The following DOCK8 variants were observed in gnomAD, a reference collection of about 807,000 sequenced individuals.
DOCK8 encodes the protein dedicator of cytokinesis 8, also known as dedicator of cytokinesis protein 8.
Under a neutral mutation model 245.6 loss-of-function variants are expected in DOCK8, and 141 were observed. The observed-to-expected ratio is 0.57, with a 90% CI of 0.50 to 0.66. The LOEUF is 0.66. DOCK8 is among the 30% of genes least tolerant of loss of function. DOCK8 has a pLI of 0.00. For synonymous variants in DOCK8, 1,168 were observed against 970.2 expected (o/e 1.20, Z -3.79); for missense variants, 2,965 against 2,603.4 (o/e 1.14, Z -3.02).
At chr9:299,135 G>A (rs1191205238) in intron 4 of DOCK8, among the ~76,000 whole-genome samples, 2 of 151,982 alleles carry the variant, frequency 1.3e-5, no homozygotes, top group African/African-American at 4.8e-5. Context: ...GTTGGTTTTT[G>A]TCCCCTGACC....
chr9:325,498 ACCT>A (rs2050723266), intron 7 of DOCK8, among the ~76,000 whole-genome samples, 170 bp from the exon 8 acceptor site: 1 of 152,046 alleles, frequency 6.6e-6, no homozygotes, highest in South Asian at 2.1e-4. Context: ...TTTTTCACAA[ACCT>A]CCTATATTTC....
intron 28 of DOCK8, among the ~76,000 whole-genome samples, chr9:408,652 A>G (rs747793101): frequency 3.1e-4 from 47 of 152,194 alleles, no homozygotes; most frequent in African/African-American, 9.2e-4. Flanking sequence ...TTGTCCTTTA[A>G]TAGCAGTACT....
chr9:331,718 A>G (rs1041440518), intron 9 of DOCK8, among the ~76,000 whole-genome samples: 1 of 152,224 alleles, frequency 6.6e-6, no homozygotes, highest in Non-Finnish European at 1.5e-5. Context: ...TACCTGAAGC[A>G]AGACAGAAGA....
Position 451,973 on chromosome 9 carries a change from ATATATTTTTT to A in DOCK8, c.5962-36_5962-27del, listed in dbSNP as rs1188943565. On this transcript the variant is annotated intron_variant, in intron 45 of 47. Transcript: ENST00000432829. ...TGTGTGTGTATATATATATATATATATATATTTTTTTTTTTTTTTTTTTTTTTTTCCCACC... is the reference window on the plus strand; with the variant it reads ...TGTGTGTGTATATATATATATATATATTTTTTTTTTTTTTTTTTTCCCACC... 2.1e-3 allele frequency: 776 copies of A among 369,484 alleles called. No homozygotes were observed. The highest frequency in any genetic ancestry group is 0.016 in the African/African-American group (448 of 27,448). 22.9% of individuals were successfully genotyped at this position (369,484 alleles called of 1,614,324 possible).
At chr9:255,372 A>C (rs1027413448) in intron 1 of DOCK8, among the ~76,000 whole-genome samples, 1 of 152,146 alleles carries the variant, frequency 6.6e-6, no homozygotes, top group African/African-American at 2.4e-5. Flanking sequence ...CTCTTTTAAA[A>C]AGTCCAAATA....
rs961385725 is a variant in DOCK8 at position 452,046 on chromosome 9, A to C, written c.5997A>C (p.Glu1999Asp). Residue 1999 changes from glutamate to aspartate, a missense_variant, in exon 46 of 48, where the codon GAA becomes GAC. Physicochemically the swap from Glu to Asp is conservative, Grantham distance 45. This residue lies in a region of DOCK8 where 134 missense variants were observed against 128.1 expected (regional missense o/e 1.05). Transcript: ENST00000432829. ...AAGTAGCCCAAGTGTTTTTGGCTGAAATTCCTGCTGATCCAAAACTCTATC... is the reference window on the plus strand; with the variant it reads ...AAGTAGCCCAAGTGTTTTTGGCTGACATTCCTGCTGATCCAAAACTCTATC... ...PLEVAQVFLA[E>D]IPADPKLYRH... The C allele has an allele frequency of 1.7e-5, 28 of 1,602,094 alleles. No homozygotes were observed. The highest frequency in any genetic ancestry group is 4.2e-5 in the African/African-American group (3 of 71,838).
At chr9:371,172 TG>T (rs199895143) in intron 16 of DOCK8, among the ~76,000 whole-genome samples, 68 of 150,230 alleles carry the variant, frequency 4.5e-4, no homozygotes, top group African/African-American at 8.3e-4. Context: ...GTGGGGGAGT[TG>T]TTTTTTGTTT....
intron 13 of DOCK8, 22 bp downstream of exon 13, chr9:339,121 C>A (rs1392580441): frequency 6.2e-7 from 1 of 1,603,552 alleles, no homozygotes; most frequent in Non-Finnish European, 8.5e-7. Context: ...TTATCTTTAT[C>A]CTCTTTAGCT....
At chr9:335,496 C>T (rs906000115) in intron 11 of DOCK8, among the ~76,000 whole-genome samples, 4 of 152,164 alleles carry the variant, frequency 2.6e-5, no homozygotes, top group African/African-American at 9.7e-5. Flanking sequence ...TTTGGAGTTA[C>T]TGGTACATAA....
At chr9:455,076 C>G (rs916613387) in intron 46 of DOCK8, among the ~76,000 whole-genome samples, 3 of 152,200 alleles carry the variant, frequency 2.0e-5, no homozygotes, top group Non-Finnish European at 2.9e-5. Flanking sequence ...AATGGTGATT[C>G]CACATGGGAA....
At chr9:238,953 C>G (rs2047321980) in intron 1 of DOCK8, among the ~76,000 whole-genome samples, 2 of 127,730 alleles carry the variant, frequency 1.6e-5, no homozygotes, top group South Asian at 2.8e-4. Flanking sequence ...CTCACACACA[C>G]TCTCACTGGG....
intron 24 of DOCK8, among the ~76,000 whole-genome samples, chr9:392,095 G>A (rs968675790): frequency 5.3e-5 from 8 of 150,026 alleles, no homozygotes; most frequent in African/African-American, 9.8e-5. Context: ...CTGAGATTGC[G>A]CCATTGCACT....
chr9:444,063 G>C (rs868026170), intron 43 of DOCK8, among the ~76,000 whole-genome samples: 3 of 152,096 alleles, frequency 2.0e-5, no homozygotes, highest in Non-Finnish European at 2.9e-5. Flanking sequence ...TGTGCTGTTG[G>C]GGGAATGGTA....
chr9:374,580 G>C (rs1227233827), intron 18 of DOCK8, among the ~76,000 whole-genome samples: 3 of 149,140 alleles, frequency 2.0e-5, no homozygotes, highest in Non-Finnish European at 3.0e-5. Flanking sequence ...TCTCACCTCG[G>C]CCTCCTTAGT....
chr9:335,192 G>T (rs1320832933), intron 11 of DOCK8, among the ~76,000 whole-genome samples: 1 of 152,194 alleles, frequency 6.6e-6, no homozygotes, highest in African/African-American at 2.4e-5. Context: ...AATATTTACT[G>T]TTTTAGTTTA....
chr9:224,262 A>C (rs556188184), intron 1 of DOCK8, among the ~76,000 whole-genome samples: 1 of 152,254 alleles, frequency 6.6e-6, no homozygotes, highest in African/African-American at 2.4e-5. Flanking sequence ...ATTTTTCAAA[A>C]AGATTTTTCT....
chr9:344,922 G>C (rs953024582), intron 14 of DOCK8, among the ~76,000 whole-genome samples: 1 of 152,010 alleles, frequency 6.6e-6, no homozygotes, highest in Admixed American at 6.5e-5. Context: ...CGTGGTGGTG[G>C]GTGCCTGTAA....
At chr9:212,922 T>C (rs1350686356), upstream of DOCK8, 1 of 152,224 alleles carries the variant, frequency 6.6e-6, no homozygotes, top group African/African-American at 2.4e-5. Flanking sequence ...GAGGAGTTCA[T>C]CCGAAAGGCT....
chr9:330,334 G>T (rs1239970110), intron 9 of DOCK8, among the ~76,000 whole-genome samples: 1 of 152,066 alleles, frequency 6.6e-6, no homozygotes, highest in Non-Finnish European at 1.5e-5. Context: ...GTTGCGATGG[G>T]CCTATCCTTA....
Sources: gnomAD v4.1 joint callset for allele counts (sites outside exome capture counted in the v4.1 genomes callset) on GRCh38, gnomAD v4.1.1 for gene constraint, gnomAD v4.1.1 regional missense constraint, MANE v1.5 for transcripts, NCBI Gene and HGNC (gene_info 2026-07-23, HGNC 2026-07-21) for gene names.